GRID2IP: variants seen among roughly 807,000 people sequenced by gnomAD.
GRID2IP encodes the protein delphilin.
Under a neutral mutation model 114.3 loss-of-function variants are expected in GRID2IP, and 78 were observed. That is an observed-to-expected ratio of 0.68 (90% confidence interval 0.57 to 0.82). The LOEUF is 0.82. Ranked by LOEUF, GRID2IP falls within the 40% of genes least tolerant of loss-of-function variation. GRID2IP has a pLI of 0.00. For missense variants in GRID2IP, 1,727 were observed against 1,678.5 expected (o/e 1.03, Z -0.51); for synonymous variants, 809 against 724.0 (o/e 1.12, Z -1.89).
At chr7:6,515,340 C>T (rs772480343) in intron 7 of GRID2IP, among the ~76,000 whole-genome samples, 20 of 151,842 alleles carry the variant, frequency 1.3e-4, no homozygotes, top group Non-Finnish European at 2.9e-4. Context: ...CATGTACCCT[C>T]AGTCCCAGCT....
intron 7 of GRID2IP, among the ~76,000 whole-genome samples, chr7:6,517,357 G>A (rs1036599959): frequency 4.0e-5 from 6 of 151,716 alleles, no homozygotes; most frequent in East Asian, 3.9e-4. Context: ...GCGCCCAGCC[G>A]TCTTGTGTCT....
rs116405237 is a variant in GRID2IP at position 6,508,949 on chromosome 7, C to T, written c.2127+9G>A. ...ACCCGCCTCCCTCCACACCTGCTTG[C>T]GTGCCCACCTCCTCGTAGTCGTTCT... On this transcript the variant is annotated intron_variant, in intron 12 of 21. Transcript: ENST00000457091. The surrounding 1 kb of genome is among the most constrained non-coding windows in gnomAD (Gnocchi z 5.6). 1.2e-3 allele frequency: 1,911 copies of T among 1,543,408 alleles called. 17 individuals are homozygous for T. In the African/African-American group the frequency reaches 0.023, roughly 19 times the overall value.
chr7:6,504,689 G>T, intron 15 of GRID2IP, 104 bp downstream of exon 15: 1 of 869,292 alleles, frequency 1.2e-6, no homozygotes, highest in Non-Finnish European at 1.8e-6. Context: ...CAGGAGGCCG[G>T]GTCCCCACCG....
At chr7:6,510,021 G>A (rs920346254) in intron 11 of GRID2IP, among the ~76,000 whole-genome samples, 1 of 152,078 alleles carries the variant, frequency 6.6e-6, no homozygotes, top group African/African-American at 2.4e-5. Flanking sequence ...GTTAGAGATG[G>A]GGCCTCACTA....
intron 1 of GRID2IP, among the ~76,000 whole-genome samples, chr7:6,546,477 G>C (rs903016586): frequency 3.3e-5 from 5 of 151,110 alleles, no homozygotes; most frequent in Non-Finnish European, 7.4e-5. Flanking sequence ...GCTGAGGCAG[G>C]AGAATTGCTT....
rs568733211 is a variant in GRID2IP, at chr7:6,535,250, G to A, written c.584+4468C>T. ...TCACCATGTTGGCCAGGCTGGTCTC[G>A]AACTCCTGACCTCAGGTGATCCACC... On this transcript the variant is annotated intron_variant, in intron 2 of 21. Transcript: ENST00000457091. Among the ~76,000 whole-genome samples the A allele has an allele frequency of 3.3e-4, 49 of 146,582 alleles. No homozygotes were observed. In the South Asian group the frequency reaches 9.2e-3, roughly 28 times the overall value.
chr7:6,518,685 G>A (rs1158220889), intron 7 of GRID2IP, among the ~76,000 whole-genome samples: 2 of 151,938 alleles, frequency 1.3e-5, no homozygotes, highest in Non-Finnish European at 2.9e-5. Context: ...GCAGTGAGCC[G>A]AGAGCACGCC....
In GRID2IP at chr7:6,496,897, T is replaced by C. The variant is rs926337780; in HGVS notation, c.*877A>G. On this transcript the variant is annotated 3_prime_UTR_variant, in exon 22 of 22. Coordinates refer to ENST00000457091, the MANE Select transcript of GRID2IP (RefSeq NM_001145118.2). ...CTCCTGGTATCCAGGTAACTCCTGC[T>C]ATATGCCTAGGCACATGTAAAATGA... is the stretch of plus-strand genomic sequence containing the variant. Among the ~76,000 whole-genome samples the C allele has an allele frequency of 3.3e-5, 5 of 152,110 alleles. No homozygotes were observed. Among genetic ancestry groups the C allele is most frequent in the Non-Finnish European group, 5.9e-5 (4 of 68,006 alleles).
At chr7:6,546,569 CA>C (rs775701238) in intron 1 of GRID2IP, among the ~76,000 whole-genome samples, 5,536 of 122,214 alleles carry the variant, frequency 0.045, 128 homozygotes, top group Middle Eastern at 0.07. Context: ...AACTCTGTCT[CA>C]AAAAAAAAAA....
rs1786665725 is a variant in GRID2IP at position 6,508,585 on chromosome 7, GA to G, written c.2128-185del. Among the ~76,000 whole-genome samples the G allele has an allele frequency of 6.6e-6, 1 of 152,024 alleles. No individual in the cohort carries two copies. The highest frequency in any genetic ancestry group is 1.9e-4 in the East Asian group (1 of 5,176). ...GTCTCACAGGTTAACCTCAGGCTGT[GA>G]GGGGGATAGCCTGGGCTAAGGATAG... On this transcript the variant is annotated intron_variant, in intron 12 of 21. Coordinates refer to ENST00000457091, the MANE Select transcript of GRID2IP (RefSeq NM_001145118.2). The surrounding 1 kb of genome is among the most constrained non-coding windows in gnomAD (Gnocchi z 5.6).
chr7:6,531,772 G>A (rs940119752), intron 2 of GRID2IP, among the ~76,000 whole-genome samples: 1 of 152,236 alleles, frequency 6.6e-6, no homozygotes, highest in Non-Finnish European at 1.5e-5. Flanking sequence ...AGGGTTTCAT[G>A]GTTCCAGGAG....
chr7:6,543,889 T>C (rs1583354964), intron 1 of GRID2IP, among the ~76,000 whole-genome samples: 2 of 152,190 alleles, frequency 1.3e-5, no homozygotes, highest in Non-Finnish European at 2.9e-5. Flanking sequence ...CTCCACCTCC[T>C]GAGTTCAAGC....
At chr7:6,497,987 T>G in intron 21 of GRID2IP, 77 bp downstream of exon 21, 1 of 1,451,244 alleles carries the variant, frequency 6.9e-7, no homozygotes, top group African/African-American at 1.4e-5. Flanking sequence ...CAGCCCTGGC[T>G]TCATGGAGGA....
chr7:6,551,031 T>C lies in GRID2IP; in HGVS notation c.406A>G (p.Lys136Glu), dbSNP rs1198880766. The C allele has an allele frequency of 7.9e-7, 1 of 1,270,686 alleles. No homozygotes were observed. Among genetic ancestry groups the C allele is most frequent in the Non-Finnish European group, 9.9e-7 (1 of 1,010,626 alleles). 78.7% of individuals were successfully genotyped at this position (1,270,686 alleles called of 1,614,324 possible). A position where few individuals can be genotyped will look rare whatever the true frequency, so the allele number is the denominator to read the frequency against. Residue 136 changes from lysine (K) to glutamate (E), a missense_variant, in exon 1 of 22, where the codon AAG becomes GAG. Coordinates refer to ENST00000457091, the MANE Select transcript of GRID2IP (RefSeq NM_001145118.2). ...ACCTTGCGGCTGAACTCTTGGGCCT[T>C]GCGCCTGCGCTCTCGGTGCACCGCG... Reference protein sequence around the residue: ...PDAVHRERRRKAQEFSRKVDE... With the variant: ...PDAVHRERRREAQEFSRKVDE...
chr7:6,531,073 G>A (rs914735304), intron 2 of GRID2IP: 2 of 631,236 alleles, frequency 3.2e-6, no homozygotes, highest in African/African-American at 1.9e-5. Flanking sequence ...GCTACCGAAA[G>A]TGCCGAGAGA....
At chr7:6,511,274 G>A (rs578179187) in intron 8 of GRID2IP, among the ~76,000 whole-genome samples, 2 of 151,888 alleles carry the variant, frequency 1.3e-5, no homozygotes, top group African/African-American at 4.9e-5. Flanking sequence ...GAACTCAGGG[G>A]CCTAGCAGAG....
chr7:6,549,795 T>A (rs576537379), intron 1 of GRID2IP, among the ~76,000 whole-genome samples: 1 of 151,592 alleles, frequency 6.6e-6, no homozygotes, highest in African/African-American at 2.4e-5. Flanking sequence ...CTGGTTTTTT[T>A]TTTTTTTATA....
intron 1 of GRID2IP, among the ~76,000 whole-genome samples, chr7:6,542,306 CAAAAAAAA>C (rs56154707): frequency 7.4e-5 from 7 of 95,194 alleles, no homozygotes; most frequent in African/African-American, 1.9e-4. Flanking sequence ...AACTCCATCT[CAAAAAAAA>C]AAAAAAAAAA....
intron 8 of GRID2IP, among the ~76,000 whole-genome samples, chr7:6,514,114 G>A (rs369365563): frequency 5.3e-5 from 8 of 152,218 alleles, no homozygotes; most frequent in East Asian, 1.9e-4. Context: ...ATAGCTGGGC[G>A]TAGTGACATG....
Sources: gnomAD v4.1 joint callset for allele counts (sites outside exome capture counted in the v4.1 genomes callset) on GRCh38, gnomAD v4.1.1 for gene constraint, Gnocchi (gnomAD v3.1) non-coding constraint, MANE v1.5 for transcripts, NCBI Gene and HGNC (gene_info 2026-07-23, HGNC 2026-07-21) for gene names.